The following GFRA1 variants were observed in gnomAD, a reference collection of about 807,000 sequenced individuals.
The protein encoded by GFRA1 is GDNF family receptor alpha-1.
In GFRA1, 16 loss-of-function variants were observed where a neutral mutation model predicts 51.6. The observed-to-expected ratio is 0.31, with a 90% CI of 0.21 to 0.47. The LOEUF (loss-of-function observed/expected upper bound fraction) is 0.47, where lower values mean the gene tolerates loss of function less well. Among genes scored for constraint, GFRA1 ranks in the 20% least tolerant of loss-of-function variants. GFRA1 has a pLI of 1.00. For missense variants in GFRA1, 530 were observed against 594.3 expected (o/e 0.89, Z 1.13); for synonymous variants, 270 against 241.3 (o/e 1.12, Z -1.10).
At position 116,084,309 on chromosome 10, in the gene GFRA1, C is replaced by T. The variant is rs567005536; in HGVS notation, c.1197+5432G>A. Among the ~76,000 whole-genome samples the T allele has an allele frequency of 2.8e-4, 43 of 152,324 alleles. 1 individual carries two copies. The highest frequency in any genetic ancestry group is 1.0e-3 in the African/African-American group (43 of 41,568). On this transcript the variant is annotated intron_variant, in intron 9 of 10. Transcript: ENST00000355422. ...GACTAGGCAAGCTGCTTTGTGGTTT[C>T]CTTCTAGAATGCTGTTTTAAAAGTC...
intron 8 of GFRA1, among the ~76,000 whole-genome samples, chr10:116,090,755 A>T (rs1956300473): frequency 6.6e-6 from 1 of 152,038 alleles, no homozygotes; most frequent in African/African-American, 2.4e-5. Context: ...TATTCATTGT[A>T]TAAAAAACCA....
At chr10:116,096,905 A>G in intron 6 of GFRA1, 141 bp from the exon 7 acceptor site, 1 of 660,070 alleles carries the variant, frequency 1.5e-6, no homozygotes, top group Non-Finnish European at 2.8e-6. Flanking sequence ...ACACACATAC[A>G]CACAAAATAC....
chr10:116,168,689 G>A (rs946352100), intron 5 of GFRA1, among the ~76,000 whole-genome samples: 7 of 152,158 alleles, frequency 4.6e-5, no homozygotes, highest in African/African-American at 1.7e-4. Flanking sequence ...GGCCCCCACA[G>A]AGCTTCCCCT....
In GFRA1 at chr10:116,195,692, G is replaced by C. The variant is rs370203583; in HGVS notation, c.433+15939C>G. Among the ~76,000 whole-genome samples, 13 of 152,308 alleles carry C rather than the reference G, an allele frequency of 8.5e-5. No individual in the cohort carries two copies. In the East Asian group the frequency reaches 2.5e-3, roughly 29 times the overall value. ...CATGGCCCAGGGATCTCCAACTCCT[G>C]TTGTAGAGGACAAACTGATTGCTAT... On this transcript the variant is annotated intron_variant, in intron 5 of 10. Transcript: ENST00000355422.
intron 5 of GFRA1, among the ~76,000 whole-genome samples, chr10:116,169,484 G>A (rs1217651841): frequency 6.6e-6 from 1 of 152,186 alleles, no homozygotes; most frequent in Non-Finnish European, 1.5e-5. Flanking sequence ...CATATCCTGT[G>A]CTCATAAAAA....
chr10:116,225,528 T>C, intron 4 of GFRA1, among the ~76,000 whole-genome samples: 1 of 85,334 alleles, frequency 1.2e-5, no homozygotes, highest in African/African-American at 4.8e-5. Flanking sequence ...AGCAAGAGTC[T>C]GTCTCCAAAA....
intron 4 of GFRA1, among the ~76,000 whole-genome samples, chr10:116,243,360 A>C (rs1028940942): frequency 6.6e-6 from 1 of 152,216 alleles, no homozygotes; most frequent in African/African-American, 2.4e-5. Context: ...CCAAGAAGGC[A>C]TGTAGAAACC....
intron 4 of GFRA1, among the ~76,000 whole-genome samples, chr10:116,212,523 A>AACAC (rs71010072): frequency 0.07 from 10,043 of 142,468 alleles, 443 homozygotes; most frequent in Non-Finnish European, 0.1. Flanking sequence ...TCCGTCTCAA[A>AACAC]ACACACACAC....
intron 6 of GFRA1, among the ~76,000 whole-genome samples, chr10:116,100,916 C>G (rs1305104343): frequency 2.6e-5 from 4 of 151,894 alleles, no homozygotes; most frequent in Admixed American, 2.6e-4. Context: ...AGAACAGAAT[C>G]GAGAGGAGGA....
intron 5 of GFRA1, among the ~76,000 whole-genome samples, chr10:116,201,116 T>C (rs749190881): frequency 6.6e-6 from 1 of 152,214 alleles, no homozygotes; most frequent in African/African-American, 2.4e-5. Flanking sequence ...AGAAAATCAT[T>C]GTTCAAGCTA....
intron 4 of GFRA1, among the ~76,000 whole-genome samples, chr10:116,245,674 C>T (rs1188290471): frequency 1.3e-5 from 2 of 152,126 alleles, no homozygotes; most frequent in African/African-American, 4.8e-5. Flanking sequence ...ACAGCCAAAA[C>T]TGGAAAGAAG....
At chr10:116,183,393 T>A (rs1461906488) in intron 5 of GFRA1, among the ~76,000 whole-genome samples, 2 of 152,216 alleles carry the variant, frequency 1.3e-5, no homozygotes, top group Non-Finnish European at 1.5e-5. Context: ...CACAGCCCCA[T>A]GAGCTTCCCT....
At chr10:116,268,870 C>T (rs756624967) in intron 4 of GFRA1, among the ~76,000 whole-genome samples, 2 of 152,144 alleles carry the variant, frequency 1.3e-5, no homozygotes, top group Non-Finnish European at 2.9e-5. Context: ...CCAAACCACA[C>T]ATAGAACTGC....
At chr10:116,088,722 C>A (rs1225559207) in intron 9 of GFRA1, among the ~76,000 whole-genome samples, 2 of 151,888 alleles carry the variant, frequency 1.3e-5, no homozygotes, top group African/African-American at 4.8e-5. Flanking sequence ...AGATCGAGAC[C>A]ATCCTGGCTA....
chr10:116,137,147 G>A (rs1247817911), intron 5 of GFRA1, among the ~76,000 whole-genome samples: 1 of 152,172 alleles, frequency 6.6e-6, no homozygotes, highest in African/African-American at 2.4e-5. Context: ...CAGAAGGCAG[G>A]CTACAGGTCC....
chr10:116,099,755 T>C (rs1446454904), intron 6 of GFRA1, among the ~76,000 whole-genome samples: 2 of 152,124 alleles, frequency 1.3e-5, no homozygotes, highest in African/African-American at 2.4e-5. Context: ...ACAATCTAGG[T>C]GCCAAGAAAA....
intron 9 of GFRA1, among the ~76,000 whole-genome samples, chr10:116,079,451 G>A (rs868468432): frequency 1.3e-5 from 2 of 151,802 alleles, no homozygotes; most frequent in South Asian, 2.1e-4. Context: ...GAAGAAACAC[G>A]AGGATTCTCA....
chr10:116,261,964 C>T (rs186438339), intron 4 of GFRA1, among the ~76,000 whole-genome samples: 2 of 152,274 alleles, frequency 1.3e-5, no homozygotes, highest in Admixed American at 1.3e-4. Flanking sequence ...CTCCTGACTC[C>T]TGGATCCATA....
intron 5 of GFRA1, among the ~76,000 whole-genome samples, chr10:116,127,492 T>C (rs1405089494): frequency 1.3e-5 from 2 of 152,208 alleles, no homozygotes; most frequent in Non-Finnish European, 2.9e-5. Context: ...TCCAAGAAAT[T>C]TGCTGTAGAA....
Sources: gnomAD v4.1 joint callset for allele counts (sites outside exome capture counted in the v4.1 genomes callset) on GRCh38, gnomAD v4.1.1 for gene constraint, MANE v1.5 for transcripts, NCBI Gene and HGNC (gene_info 2026-07-23, HGNC 2026-07-21) for gene names.